Variants in TASOR2 observed in about 807,000 individuals in gnomAD.
The protein encoded by TASOR2 is protein TASOR 2.
A neutral mutation model predicts 199.5 loss-of-function variants in TASOR2; 84 were observed. The ratio of observed to expected loss-of-function variants is 0.42; its 90% CI spans 0.35 to 0.50. The LOEUF is 0.50. Ranked by LOEUF, TASOR2 falls within the 20% of genes least tolerant of loss-of-function variation. The probability of loss-of-function intolerance (pLI) is 0.02; values close to 1 mark genes in which losing one functional copy is unlikely to be tolerated. For synonymous variants in TASOR2, 1,103 were observed against 1,046.6 expected, an observed-to-expected ratio of 1.05 and a Z score of -1.04; for missense variants, 2,796 against 2,835.9, an observed-to-expected ratio of 0.99 and a Z score of 0.32.
chr10:5,728,254 A>G (rs183614600), intron 10 of TASOR2, among the ~76,000 whole-genome samples: 2 of 151,868 alleles, frequency 1.3e-5, no homozygotes, highest in Non-Finnish European at 2.9e-5. Flanking sequence ...TTTGTTGTAT[A>G]ATCACAATGT....
chr10:5,693,912 C>T (rs1466624353), intron 1 of TASOR2, among the ~76,000 whole-genome samples: 3 of 152,176 alleles, frequency 2.0e-5, no homozygotes, highest in African/African-American at 7.2e-5. Context: ...ATAAACCTTA[C>T]ATTCTGCTGG....
intron 20 of TASOR2, 37 bp from the exon 22 acceptor site, chr10:5,762,992 T>C: frequency 6.2e-7 from 1 of 1,602,412 alleles, no homozygotes; most frequent in Non-Finnish European, 8.5e-7. Flanking sequence ...GTTCGTATTA[T>C]TTTAAGAAGT....
At chr10:5,727,560 C>CA (rs1010955213) in intron 10 of TASOR2, among the ~76,000 whole-genome samples, 3 of 151,018 alleles carry the variant, frequency 2.0e-5, no homozygotes, top group Admixed American at 6.6e-5. Context: ...CTCCTGGGGG[C>CA]AAAAAAAATT....
intron 1 of TASOR2, among the ~76,000 whole-genome samples, chr10:5,705,803 G>A (rs1838513512): frequency 6.6e-6 from 1 of 151,784 alleles, no homozygotes. Context: ...ATATATTCTA[G>A]GTACAGGTAC....
intron 3 of TASOR2, among the ~76,000 whole-genome samples, chr10:5,718,325 T>A (rs1189619481): frequency 6.6e-6 from 1 of 151,140 alleles, no homozygotes; most frequent in Admixed American, 6.6e-5. Context: ...TTTTATTGTT[T>A]TTTTTTTTAG....
chr10:5,694,803 C>T, intron 1 of TASOR2, among the ~76,000 whole-genome samples: 1 of 152,146 alleles, frequency 6.6e-6, no homozygotes, highest in East Asian at 1.9e-4. Context: ...ACATGTGGCT[C>T]TCCTACCCCC....
chr10:5,756,689 C>T, exon 16 of TASOR2: 1 of 1,613,356 alleles, frequency 6.2e-7, no homozygotes, highest in Non-Finnish European at 8.5e-7. Context: ...GAGAATGATA[C>T]ACTAATCATC....
intron 3 of TASOR2, among the ~76,000 whole-genome samples, chr10:5,718,876 C>T (rs1373368166): frequency 6.6e-6 from 1 of 152,066 alleles, no homozygotes; most frequent in East Asian, 1.9e-4. Flanking sequence ...GAAAGTATGC[C>T]TACTAATGCA....
At chr10:5,747,993 G>C (rs1191624763) in exon 15 of TASOR2, 3 of 1,608,720 alleles carry the variant, frequency 1.9e-6, no homozygotes, top group Non-Finnish European at 1.7e-6. Context: ...ATGGTAGGGA[G>C]TTAAACCAGC....
rs1237348387 is a variant in TASOR2 at position 5,720,832 on chromosome 10, C to T, written c.47-39C>T. On this transcript the variant is annotated intron_variant, in intron 5 of 20. Transcript: ENST00000328090. The surrounding 1 kb of genome is among the most constrained non-coding windows in gnomAD (Gnocchi z 5.3). ...TTTTTTTCTTGAGTAAATGTTTCAT[C>T]ATAAATAATCAGTTTCTTTTTTACC... The T allele has an allele frequency of 2.6e-5, 41 of 1,590,286 alleles. No homozygotes were observed. Among genetic ancestry groups the T allele is most frequent in the Admixed American group, 7.4e-5 (4 of 54,150 alleles).
At chr10:5,762,643 A>T (rs769073915) in exon 20 of TASOR2, 2 of 1,335,018 alleles carry the variant, frequency 1.5e-6, no homozygotes, top group East Asian at 4.8e-5. Context: ...AGGAGTAGCT[A>T]TTGGTAAGAA....
Position 5,699,084 on chromosome 10 carries a change from T to G in TASOR2, c.-287-13739T>G, listed in dbSNP as rs1837487792. On this transcript the variant is annotated intron_variant, in intron 1 of 20. Transcript: ENST00000328090. This position sits in a 1 kb window ranked among gnomAD's most constrained non-coding sequence, Gnocchi z 4.1. ...CCAAAATGTAGAAACAACCCAAATG[T>G]GCATCAGTTGATGGATAAACAAAAT... is the stretch of plus-strand genomic sequence containing the variant. Among the ~76,000 whole-genome samples the G allele has an allele frequency of 6.6e-6, 1 of 152,316 alleles. No individual in the cohort carries two copies. The highest frequency in any genetic ancestry group is 6.5e-5 in the Admixed American group (1 of 15,294).
At chr10:5,721,563 T>A (rs1268110618) in intron 6 of TASOR2, among the ~76,000 whole-genome samples, 1 of 152,086 alleles carries the variant, frequency 6.6e-6, no homozygotes, top group Non-Finnish European at 1.5e-5. Flanking sequence ...CGGCCTTTTT[T>A]AAGAAGAGGT....
intron 11 of TASOR2, among the ~76,000 whole-genome samples, chr10:5,733,491 T>C (rs559724633): frequency 3.9e-4 from 60 of 152,216 alleles, no homozygotes; most frequent in African/African-American, 1.3e-3. Context: ...AGAGCAAGAC[T>C]GCATCTCAAA....
chr10:5,731,282 C>A, intron 11 of TASOR2, 79 bp downstream of exon 12: 1 of 1,393,614 alleles, frequency 7.2e-7, no homozygotes. Context: ...GTAATCCCAG[C>A]ACTTTGGGAA....
At chr10:5,703,503 A>ATTTT (rs371366460) in intron 1 of TASOR2, among the ~76,000 whole-genome samples, 23,783 of 109,928 alleles carry the variant, frequency 0.22, 3,658 homozygotes, top group Non-Finnish European at 0.28. Context: ...GGTTTTTCTG[A>ATTTT]TTTTTTTTTT....
chr10:5,719,594 C>T lies in TASOR2; in HGVS notation c.-99-950C>T, dbSNP rs556139886. On this transcript the variant is annotated intron_variant, in intron 3 of 20. Transcript: ENST00000328090. This position sits in a 1 kb window ranked among gnomAD's most constrained non-coding sequence, Gnocchi z 4.1. The stretch of plus-strand genomic sequence containing the variant: ...TCTTGATCTCATGATCTGCCCGCCT[C>T]GGCCTCCCAAAGTGCTGGGTTACAG... Among the ~76,000 whole-genome samples, 32 of 152,258 alleles carry T rather than the reference C, an allele frequency of 2.1e-4. No individual in the cohort carries two copies. In the South Asian group the frequency reaches 2.3e-3, roughly 11 times the overall value.
At chr10:5,717,628 G>A (rs940039537) in intron 2 of TASOR2, 31 bp from the exon 4 acceptor site, 79 of 979,818 alleles carry the variant, frequency 8.1e-5, no homozygotes, top group Non-Finnish European at 9.2e-5. Flanking sequence ...TGGGCAATCT[G>A]CTGCTTAATC....
rs545950794 is a variant in TASOR2 at position 5,701,810 on chromosome 10, G to A, written c.-287-11013G>A. On this transcript the variant is annotated intron_variant, in intron 1 of 20. Coordinates refer to ENST00000328090, the Ensembl canonical transcript of TASOR2. This position sits in a 1 kb window ranked among gnomAD's most constrained non-coding sequence, Gnocchi z 4.9. Reference sequence around the variant, plus strand: ...CTACCGATTTTTGTATGTTGATTTTGTATCCTGCAACTTTACTGAATTTGT... The same window carrying A: ...CTACCGATTTTTGTATGTTGATTTTATATCCTGCAACTTTACTGAATTTGT... Among the ~76,000 whole-genome samples, 2 of 152,200 alleles carry A rather than the reference G, an allele frequency of 1.3e-5. No individual in the cohort carries two copies. The highest frequency in any genetic ancestry group is 3.9e-4 in the East Asian group (2 of 5,188).
Sources: allele counts gnomAD v4.1 joint callset (sites outside exome capture counted in the v4.1 genomes callset), GRCh38; gene constraint gnomAD v4.1.1; non-coding constraint Gnocchi (gnomAD v3.1); transcripts MANE v1.5; gene names NCBI Gene and HGNC (gene_info 2026-07-23, HGNC 2026-07-21).